The following NR2F1-AS1 variants were observed in gnomAD, a reference collection of about 807,000 sequenced individuals.
NR2F1-AS1 encodes the protein NR2F1 regulatory antisense RNA 1.
Position 93,434,379 on chromosome 5 carries a change from C to T in NR2F1-AS1, n.639-38837G>A, listed in dbSNP as rs184872922. Among the ~76,000 whole-genome samples the T allele has an allele frequency of 1.1e-3, 175 of 152,220 alleles. 2 individuals are homozygous for T. The highest frequency in any genetic ancestry group is 4.0e-3 in the African/African-American group (168 of 41,548). On this transcript the variant is annotated intron_variant and non_coding_transcript_variant, in intron 4 of 5. Transcript: ENST00000660523. ...AAACTTACAGAAGAGTTTCAGGCAT[C>T]GTATAAAGAACTCCTGTTTGTGTTT...
intron 4 of NR2F1-AS1, among the ~76,000 whole-genome samples, chr5:93,434,845 T>C (rs533108268): frequency 2.6e-5 from 4 of 152,162 alleles, no homozygotes; most frequent in Non-Finnish European, 4.4e-5. Flanking sequence ...TAGATTTAGG[T>C]TACATATTTT....
intron 4 of NR2F1-AS1, among the ~76,000 whole-genome samples, chr5:93,477,984 T>C (rs1166209392): frequency 6.6e-6 from 1 of 152,210 alleles, no homozygotes; most frequent in African/African-American, 2.4e-5. Flanking sequence ...TGGGACTTGC[T>C]CCTCAAGCTG....
At chr5:93,555,543 T>A (rs746924010) in intron 2 of NR2F1-AS1, among the ~76,000 whole-genome samples, 1 of 152,196 alleles carries the variant, frequency 6.6e-6, no homozygotes, top group Non-Finnish European at 1.5e-5. Flanking sequence ...GTATTCTGAC[T>A]AAAGGAGTGA....
intron 4 of NR2F1-AS1, among the ~76,000 whole-genome samples, chr5:93,500,516 C>T (rs1403684656): frequency 6.6e-6 from 1 of 152,082 alleles, no homozygotes; most frequent in Non-Finnish European, 1.5e-5. Context: ...ATTAACAATG[C>T]ACCTGATCAC....
At chr5:93,585,543 C>A, upstream of NR2F1-AS1, 1 of 1,423,722 alleles carries the variant, frequency 7.0e-7, no homozygotes, top group South Asian at 1.2e-5. Context: ...CTGGCTCTTT[C>A]TTTCTTTCTC....
chr5:93,584,021 A>AGCGC (rs1753176485), upstream of NR2F1-AS1: 2 of 151,392 alleles, frequency 1.3e-5, no homozygotes, highest in South Asian at 4.2e-4. Context: ...GCCTTCCTGA[A>AGCGC]TGGCTGGCTG....
chr5:93,524,086 T>C lies in NR2F1-AS1; in HGVS notation n.638+29675A>G, dbSNP rs141476377. ...GCTGAAGGAGCATCTTCTAACCCAA[T>C]GCAAGGAAGCTAAGAACCTTGAAAA... On this transcript the variant is annotated intron_variant and non_coding_transcript_variant, in intron 4 of 5. Transcript: ENST00000660523. 5.5e-4 allele frequency among the ~76,000 whole-genome samples: 83 copies of C among 152,042 alleles called. 1 individual carries two copies. The East Asian group carries it at 0.016, about 29-fold the overall frequency.
At chr5:93,584,237 G>T, upstream of NR2F1-AS1, 1 of 148,680 alleles carries the variant, frequency 6.7e-6, no homozygotes, top group South Asian at 2.0e-4. Context: ...ACTCCGGCCC[G>T]GGTCCCGGCT....
At chr5:93,511,647 T>C (rs1447583946) in intron 4 of NR2F1-AS1, among the ~76,000 whole-genome samples, 1 of 152,148 alleles carries the variant, frequency 6.6e-6, no homozygotes, top group Admixed American at 6.6e-5. Context: ...TCCCAAGCCA[T>C]GGACCAGTAC....
intron 4 of NR2F1-AS1, among the ~76,000 whole-genome samples, chr5:93,487,411 A>G (rs1750747436): frequency 6.6e-6 from 1 of 152,196 alleles, no homozygotes; most frequent in Admixed American, 6.5e-5. Context: ...TCAGGATACA[A>G]AATCAATGTG....
intron 4 of NR2F1-AS1, among the ~76,000 whole-genome samples, chr5:93,538,140 T>C (rs1751875995): frequency 6.6e-6 from 1 of 152,122 alleles, no homozygotes; most frequent in African/African-American, 2.4e-5. Context: ...CATAATGGGT[T>C]GGAAAATGAA....
At chr5:93,464,667 G>A (rs2149865922) in intron 4 of NR2F1-AS1, among the ~76,000 whole-genome samples, 1 of 152,272 alleles carries the variant, frequency 6.6e-6, no homozygotes, top group Non-Finnish European at 1.5e-5. Flanking sequence ...AGTAGCTATG[G>A]CCCAATAGGG....
At chr5:93,534,271 G>A (rs1265603344) in intron 4 of NR2F1-AS1, among the ~76,000 whole-genome samples, 2 of 152,154 alleles carry the variant, frequency 1.3e-5, no homozygotes, top group African/African-American at 4.8e-5. Context: ...AAAAAGTAAA[G>A]CTAAGAAAGA....
At chr5:93,573,729 G>A (rs1352685274) in intron 1 of NR2F1-AS1, among the ~76,000 whole-genome samples, 1 of 152,174 alleles carries the variant, frequency 6.6e-6, no homozygotes, top group Non-Finnish European at 1.5e-5. Flanking sequence ...CGCACGGGAC[G>A]CTGTCTCTCC....
chr5:93,514,602 A>C (rs1162501107), intron 4 of NR2F1-AS1, among the ~76,000 whole-genome samples: 7 of 152,118 alleles, frequency 4.6e-5, no homozygotes, highest in Non-Finnish European at 1.5e-5. Flanking sequence ...TAAGAACTTA[A>C]GTATTATTAA....
At position 93,551,377 on chromosome 5, in the gene NR2F1-AS1, C is replaced by A. The variant is rs1011335048; in HGVS notation, n.638+2384G>T. 2.6e-5 allele frequency among the ~76,000 whole-genome samples: 4 copies of A among 151,798 alleles called. No individual in the cohort carries two copies. The East Asian group carries it at 7.7e-4, about 29-fold the overall frequency. ...CCTCAGTTAAAACTATATTATAATACAATAGTCAAAGAACATTTAACCTCT... is the reference window on the plus strand; with the variant it reads ...CCTCAGTTAAAACTATATTATAATAAAATAGTCAAAGAACATTTAACCTCT... On this transcript the variant is annotated intron_variant and non_coding_transcript_variant, in intron 4 of 5. Coordinates refer to ENST00000660523, the Ensembl canonical transcript of NR2F1-AS1.
At chr5:93,557,156 A>G (rs1007133482) in intron 2 of NR2F1-AS1, among the ~76,000 whole-genome samples, 2 of 152,232 alleles carry the variant, frequency 1.3e-5, no homozygotes, top group Non-Finnish European at 2.9e-5. Flanking sequence ...TTCTATAGAT[A>G]TTAGGATAAG....
intron 4 of NR2F1-AS1, among the ~76,000 whole-genome samples, chr5:93,512,857 A>G (rs936129249): frequency 6.6e-6 from 1 of 152,160 alleles, no homozygotes; most frequent in African/African-American, 2.4e-5. Context: ...GTAGTAGGCT[A>G]TACCATGTAG....
At chr5:93,481,212 C>T (rs1750592860) in intron 4 of NR2F1-AS1, among the ~76,000 whole-genome samples, 1 of 151,860 alleles carries the variant, frequency 6.6e-6, no homozygotes, top group Non-Finnish European at 1.5e-5. Context: ...GAGAGCCAGG[C>T]TGGCTATACT....
Sources: allele counts gnomAD v4.1 joint callset (sites outside exome capture counted in the v4.1 genomes callset), GRCh38; gene constraint gnomAD v4.1.1; transcripts MANE v1.5; gene names NCBI Gene and HGNC (gene_info 2026-07-23, HGNC 2026-07-21).